The following UBTF variants were observed in gnomAD, a reference collection of about 807,000 sequenced individuals.
UBTF encodes upstream binding transcription factor.
In UBTF, 8 loss-of-function variants were observed where a neutral mutation model predicts 112.3. The observed-to-expected ratio is 0.07, with a 90% confidence interval of 0.04 to 0.13. The LOEUF is 0.13. UBTF is among the 10% of genes least tolerant of loss of function. UBTF has a pLI of 1.00. For missense variants in UBTF, 457 were observed against 982.1 expected (o/e 0.47, Z 7.15); for synonymous variants, 417 against 373.1 (o/e 1.12, Z -1.36).
upstream of UBTF, among the ~76,000 whole-genome samples, chr17:44,220,445 G>A (rs1364727946): frequency 6.6e-6 from 1 of 152,100 alleles, no homozygotes; most frequent in African/African-American, 2.4e-5. Context: ...GCCGATCGCG[G>A]CGTCCAGCTT....
chr17:44,212,023 G>T lies in UBTF; in HGVS notation c.772-17C>A. 6.2e-7 allele frequency: 1 copy of T among 1,611,556 alleles called. No individual in the cohort carries two copies. On this transcript the variant is annotated splice_polypyrimidine_tract_variant and intron_variant, in intron 8 of 20. Coordinates refer to ENST00000436088, the MANE Select transcript of UBTF (RefSeq NM_014233.4). ...CATGATCTCCTGCAGAGCCAGGTGG[G>T]GGGACGGAGGGCAATGGGGTGTGGA...
rs576008863 is a variant in UBTF, at chr17:44,212,627, G to T, written c.661-173C>A. Among the ~76,000 whole-genome samples the T allele has an allele frequency of 3.9e-5, 6 of 152,246 alleles. No individual in the cohort carries two copies. In the East Asian group the frequency reaches 1.2e-3, roughly 29 times the overall value. ...GCGGGGATCCCGCCTGGGTGCAAGG[G>T]GACTGGCTCATACACGCACGCACAC... On this transcript the variant is annotated intron_variant, in intron 7 of 20. Coordinates refer to ENST00000436088, the MANE Select transcript of UBTF (RefSeq NM_014233.4).
In UBTF at chr17:44,207,295, T is replaced by A. The variant is rs752012185; in HGVS notation, c.2242A>T (p.Ser748Cys). 1 of 1,613,256 alleles carries A rather than the reference T, an allele frequency of 6.2e-7. No individual in the cohort carries two copies. The highest frequency in any genetic ancestry group is 8.5e-7 in the Non-Finnish European group (1 of 1,179,704). ...CCTGAGGAGGAGGAGCTGGAGCTGCTGCCCTCGGACTCATTATCTTCATCC... is the reference window on the plus strand; with the variant it reads ...CCTGAGGAGGAGGAGCTGGAGCTGCAGCCCTCGGACTCATTATCTTCATCC... ...DEDEDNESEGSSSSSSSSGDS... is the reference protein window; with the variant it reads ...DEDEDNESEGCSSSSSSSGDS... The change falls in exon 21 of 21, where the codon AGC (serine) becomes TGC (cysteine). Residue 748 changes from serine (S) to cysteine (C), a missense_variant. Physicochemically the swap from Ser to Cys is moderately radical, Grantham distance 112. Coordinates refer to ENST00000436088, the MANE Select transcript of UBTF (RefSeq NM_014233.4).
intron 7 of UBTF, 44 bp downstream of exon 7, chr17:44,212,772 GCCA>G: frequency 6.2e-7 from 1 of 1,607,040 alleles, no homozygotes; most frequent in East Asian, 2.2e-5. Context: ...CTCCCCCCTG[GCCA>G]CCGCCGTGCA....
At position 44,210,924 on chromosome 17, in the gene UBTF, C is replaced by T. The variant is rs1428201541; in HGVS notation, c.1227G>A (p.Arg409=). The change falls in exon 13 of 21, where the codon CGG becomes CGA. Residue 409 remains arginine, a synonymous_variant. Coordinates refer to ENST00000436088, the MANE Select transcript of UBTF (RefSeq NM_014233.4). The part of the protein sequence containing the change: ...GGKGGSEKPK[R]PVSAMFIFSE... ...AGAAGATGAACATGGCCGACACGGG[C>T]CGCTTGGGCTTCTCGGAGCCGCCCT... 13 of 1,608,022 alleles carry T rather than the reference C, an allele frequency of 8.1e-6. No homozygotes were observed. The highest frequency in any genetic ancestry group is 1.1e-5 in the Non-Finnish European group (13 of 1,178,942).
chr17:44,209,739 G>A lies in UBTF; in HGVS notation c.1627-6C>T, dbSNP rs750517826. 3.7e-6 allele frequency: 6 copies of A among 1,613,948 alleles called. No homozygotes were observed. The East Asian group carries it at 6.7e-5, about 18-fold the overall frequency. On this transcript the variant is annotated splice_region_variant and splice_polypyrimidine_tract_variant and intron_variant, in intron 15 of 20. Coordinates refer to ENST00000436088, the MANE Select transcript of UBTF (RefSeq NM_014233.4). Reference sequence around the variant, plus strand: ...CGCATCTCACTCAGCTCTCTCTGGAGGGAGAAAGGTCACGCTCACCCCCCA... The same window carrying A: ...CGCATCTCACTCAGCTCTCTCTGGAAGGAGAAAGGTCACGCTCACCCCCCA...
chr17:44,215,586 A>C, intron 5 of UBTF, 68 bp downstream of exon 5: 1 of 1,590,104 alleles, frequency 6.3e-7, no homozygotes, highest in Non-Finnish European at 8.6e-7. Context: ...CCTACCTCCA[A>C]CTGACCCACA....
At chr17:44,220,110 A>C, upstream of UBTF, among the ~76,000 whole-genome samples, 2 of 134,978 alleles carry the variant, frequency 1.5e-5, no homozygotes, top group African/African-American at 2.8e-5. Flanking sequence ...GGGCAGGGAG[A>C]CACGCAGCCG....
upstream of UBTF, chr17:44,220,737 T>C (rs1466292665): frequency 6.6e-6 from 1 of 151,456 alleles, no homozygotes; most frequent in Non-Finnish European, 1.5e-5. Context: ...CGGGCTCACT[T>C]ACCGAGCGTG....
upstream of UBTF, chr17:44,219,743 C>CCCG (rs1007484394): frequency 7.8e-5 from 12 of 153,824 alleles, no homozygotes; most frequent in East Asian, 3.8e-4. Flanking sequence ...TCGCACACCC[C>CCCG]CCGCCGCCGC....
chr17:44,216,075 T>C, intron 3 of UBTF, 86 bp from the exon 4 acceptor site: 1 of 1,086,332 alleles, frequency 9.2e-7, no homozygotes, highest in East Asian at 2.4e-5. Flanking sequence ...AACGGGTCTC[T>C]TCTACTCTTT....
At chr17:44,218,391 C>T in intron 1 of UBTF, 95 bp from the exon 2 acceptor site, 1 of 681,456 alleles carries the variant, frequency 1.5e-6, no homozygotes, top group Non-Finnish European at 2.5e-6. Flanking sequence ...CAGGTCCACA[C>T]TCTGAGAGAC....
At chr17:44,218,372 A>T in intron 1 of UBTF, 76 bp from the exon 2 acceptor site, 1 of 795,710 alleles carries the variant, frequency 1.3e-6, no homozygotes, top group South Asian at 1.5e-5. Context: ...CGCCCAGAGT[A>T]GAAGGGGGCA....
chr17:44,215,482 T>TCG, intron 5 of UBTF, 172 bp downstream of exon 5: 1 of 752,204 alleles, frequency 1.3e-6, no homozygotes, highest in South Asian at 1.8e-5. Context: ...CCTGACCATG[T>TCG]GTGGGCCGAG....
chr17:44,211,511 C>G lies in UBTF; in HGVS notation c.1047+95G>C. 1 of 1,562,508 alleles carries G rather than the reference C, an allele frequency of 6.4e-7. No individual in the cohort carries two copies. The highest frequency in any genetic ancestry group is 1.2e-5 in the South Asian group (1 of 84,518). ...CCCACACTGTATTGGAGGCAGGTAC[C>G]CAAGGCACACGCCACCAGGGACTGA... is the stretch of plus-strand genomic sequence containing the variant. On this transcript the variant is annotated intron_variant, in intron 10 of 20. Transcript: ENST00000436088. The surrounding 1 kb of genome is among the most constrained non-coding windows in gnomAD (Gnocchi z 4.9).
chr17:44,213,127 CAG>C, intron 6 of UBTF, 89 bp downstream of exon 6: 3 of 1,550,978 alleles, frequency 1.9e-6, no homozygotes, highest in Non-Finnish European at 1.8e-6. Context: ...TTCCATGCCT[CAG>C]AGATGGCAAA....
rs1284857386 is a variant in UBTF at position 44,210,925 on chromosome 17, C to T, written c.1226G>A (p.Arg409Gln). 1 of 1,608,118 alleles carries T rather than the reference C, an allele frequency of 6.2e-7. No individual in the cohort carries two copies. The change falls in exon 13 of 21, where the codon CGG (arginine) becomes CAG (glutamine). Residue 409 changes from arginine (R) to glutamine (Q), a missense_variant. Arg to Gln is a conservative substitution (Grantham distance 43). Transcript: ENST00000436088. ...GAAGATGAACATGGCCGACACGGGCCGCTTGGGCTTCTCGGAGCCGCCCTG... is the reference window on the plus strand; with the variant it reads ...GAAGATGAACATGGCCGACACGGGCTGCTTGGGCTTCTCGGAGCCGCCCTG... ...GGKGGSEKPK[R>Q]PVSAMFIFSE...
At chr17:44,220,867 C>A (rs1290430797), upstream of UBTF, 1 of 152,106 alleles carries the variant, frequency 6.6e-6, no homozygotes, top group Non-Finnish European at 1.5e-5. Flanking sequence ...GATGGCGAAG[C>A]GGAGCGACGG....
In UBTF at chr17:44,210,113, C is replaced by G; in HGVS notation, c.1626+11G>C. The G allele has an allele frequency of 6.2e-7, 1 of 1,614,100 alleles. No homozygotes were observed. Among genetic ancestry groups the G allele is most frequent in the Non-Finnish European group, 8.5e-7 (1 of 1,179,934 alleles). ...TTTCAATGAATGGGGTGGCCCCAGC[C>G]CCATTCCTACCTCATATCGCTTTTG... is the stretch of plus-strand genomic sequence containing the variant. On this transcript the variant is annotated intron_variant, in intron 15 of 20. Coordinates refer to ENST00000436088, the MANE Select transcript of UBTF (RefSeq NM_014233.4).
Sources: gnomAD v4.1 joint callset for allele counts (sites outside exome capture counted in the v4.1 genomes callset) on GRCh38, gnomAD v4.1.1 for gene constraint, Gnocchi (gnomAD v3.1) non-coding constraint, MANE v1.5 for transcripts, NCBI Gene and HGNC (gene_info 2026-07-23, HGNC 2026-07-21) for gene names.